Variants in FTO observed in about 807,000 individuals in gnomAD.
FTO encodes FTO alpha-ketoglutarate dependent dioxygenase, also known as alpha-ketoglutarate-dependent dioxygenase FTO.
FTO carries 47 observed loss-of-function variants against 63.9 expected under a neutral mutation model. That is an observed-to-expected ratio of 0.74 (90% CI 0.58 to 0.94). FTO has a LOEUF of 0.94. FTO is among the 40% of genes least tolerant of loss of function. FTO has a pLI of 0.00. For synonymous variants in FTO, 207 were observed against 224.4 expected, an observed-to-expected ratio of 0.92 and a Z score of 0.69; for missense variants, 562 against 618.1, an observed-to-expected ratio of 0.91 and a Z score of 0.96.
chr16:54,086,761 T>C (rs1473987400), intron 8 of FTO, among the ~76,000 whole-genome samples: 1 of 152,232 alleles, frequency 6.6e-6, no homozygotes, highest in African/African-American at 2.4e-5. Flanking sequence ...TCTTCTTTCT[T>C]ACAGTAATTT....
intron 1 of FTO, among the ~76,000 whole-genome samples, chr16:53,767,190 G>A (rs1019982462): frequency 2.3e-4 from 35 of 152,216 alleles, no homozygotes; most frequent in African/African-American, 7.9e-4. Flanking sequence ...TTTAGTCTAC[G>A]CACTGTCCAG....
chr16:53,995,997 C>A (rs2083925569), intron 8 of FTO, among the ~76,000 whole-genome samples: 1 of 152,212 alleles, frequency 6.6e-6, no homozygotes, highest in Admixed American at 6.5e-5. Flanking sequence ...GAGCCTGATT[C>A]TCTGCCCTTT....
At chr16:53,831,815 G>A (rs1417956466) in intron 3 of FTO, among the ~76,000 whole-genome samples, 1 of 152,142 alleles carries the variant, frequency 6.6e-6, no homozygotes, top group Non-Finnish European at 1.5e-5. Flanking sequence ...AACATGATTG[G>A]GATGTTTCAG....
At chr16:53,736,457 T>C (rs1409706723) in intron 1 of FTO, among the ~76,000 whole-genome samples, 4 of 151,982 alleles carry the variant, frequency 2.6e-5, no homozygotes, top group African/African-American at 7.3e-5. Context: ...TTCCTTTCTG[T>C]CACCTATCTT....
intron 8 of FTO, among the ~76,000 whole-genome samples, chr16:54,079,917 C>T (rs969956908): frequency 5.3e-5 from 8 of 152,002 alleles, no homozygotes; most frequent in Non-Finnish European, 1.2e-4. Context: ...TTAAATATTG[C>T]AAGAGTCATT....
At chr16:53,880,991 G>A (rs1447721046) in intron 6 of FTO, among the ~76,000 whole-genome samples, 9 of 150,536 alleles carry the variant, frequency 6.0e-5, no homozygotes, top group Non-Finnish European at 1.2e-4. Context: ...GCATGGTGGC[G>A]GGTGCCTGTA....
chr16:54,004,838 A>C (rs1215820133), intron 8 of FTO, among the ~76,000 whole-genome samples: 1 of 152,122 alleles, frequency 6.6e-6, no homozygotes, highest in Non-Finnish European at 1.5e-5. Context: ...TGGGAGGCTG[A>C]GGCGAGCGGA....
intron 8 of FTO, among the ~76,000 whole-genome samples, chr16:53,966,123 C>T (rs748413169): frequency 1.1e-4 from 17 of 152,212 alleles, no homozygotes; most frequent in Non-Finnish European, 1.8e-4. Flanking sequence ...CCACCTTGTC[C>T]TCCCAAAGTG....
At chr16:53,968,218 A>G (rs2083238425) in intron 8 of FTO, among the ~76,000 whole-genome samples, 1 of 152,222 alleles carries the variant, frequency 6.6e-6, no homozygotes. Context: ...TGTGCAGACA[A>G]GGAAGCTCAC....
Position 53,994,944 on chromosome 16 carries a change from G to C in FTO, c.1364+60835G>C, listed in dbSNP as rs1040949687. On this transcript the variant is annotated intron_variant, in intron 8 of 8. Transcript: ENST00000471389. ...GAGACGGGTTTCACCATGTTGGCCAGGCTGGTCTCAAACTCCTGACCTCAA... is the reference window on the plus strand; with the variant it reads ...GAGACGGGTTTCACCATGTTGGCCACGCTGGTCTCAAACTCCTGACCTCAA... Among the ~76,000 whole-genome samples, 5 of 152,144 alleles carry C rather than the reference G, an allele frequency of 3.3e-5. No individual in the cohort carries two copies. The East Asian group carries it at 5.8e-4, about 18-fold the overall frequency.
intron 7 of FTO, among the ~76,000 whole-genome samples, chr16:53,898,405 T>C (rs1418840497): frequency 6.6e-6 from 1 of 152,132 alleles, no homozygotes; most frequent in Non-Finnish European, 1.5e-5. Context: ...CCAAGCACTC[T>C]CTCATTGTAG....
At chr16:53,806,394 A>C (rs1598712088) in intron 1 of FTO, among the ~76,000 whole-genome samples, 1 of 152,184 alleles carries the variant, frequency 6.6e-6, no homozygotes, top group Admixed American at 6.5e-5. Context: ...GCTCCTTTCT[A>C]GTCATTTCCC....
rs200344131 is a variant in FTO, at chr16:54,034,822, A to G, written c.1365-76940A>G. Among the ~76,000 whole-genome samples, 5 of 152,242 alleles carry G rather than the reference A, an allele frequency of 3.3e-5. No individual in the cohort carries two copies. The East Asian group carries it at 9.6e-4, about 29-fold the overall frequency. ...ATGTTGCGCAAAAATAAAATAAAAA[A>G]TTAAAGCTGGTCTCTGTAACTACTT... On this transcript the variant is annotated intron_variant, in intron 8 of 8. Coordinates refer to ENST00000471389, the MANE Select transcript of FTO (RefSeq NM_001080432.3).
chr16:53,904,349 G>C (rs1241767045), intron 7 of FTO, among the ~76,000 whole-genome samples: 2 of 152,156 alleles, frequency 1.3e-5, no homozygotes, highest in Non-Finnish European at 2.9e-5. Flanking sequence ...GGGAGCAACT[G>C]TTCTCTTAAT....
chr16:53,950,168 A>AAAAAACAAAAAAAAAAAAAAAAAAAAAAC (rs1555497357), intron 8 of FTO, among the ~76,000 whole-genome samples: 9 of 147,844 alleles, frequency 6.1e-5, no homozygotes, highest in Non-Finnish European at 1.4e-4. Flanking sequence ...AAAAAAAAAA[A>AAAAAACAAAAAAAAAAAAAAAAAAAAAAC]AAAAAAAAAA....
intron 2 of FTO, among the ~76,000 whole-genome samples, chr16:53,817,147 A>G (rs1330406859): frequency 6.6e-6 from 1 of 152,242 alleles, no homozygotes; most frequent in African/African-American, 2.4e-5. Context: ...CATAGGAAGT[A>G]TTTGAGAAAT....
At chr16:53,710,308 C>T (rs184465182) in intron 1 of FTO, among the ~76,000 whole-genome samples, 52 of 149,610 alleles carry the variant, frequency 3.5e-4, no homozygotes, top group Admixed American at 1.0e-3. Context: ...CTCTGTTGCC[C>T]AGGCTGGAGT....
intron 8 of FTO, among the ~76,000 whole-genome samples, chr16:53,946,879 A>G (rs1056763808): frequency 7.2e-5 from 11 of 152,190 alleles, no homozygotes; most frequent in African/African-American, 2.7e-4. Flanking sequence ...CTGCACAGTA[A>G]TGATATTGTT....
chr16:53,935,893 A>G (rs2082380832), intron 8 of FTO: 1 of 152,182 alleles, frequency 6.6e-6, no homozygotes. Flanking sequence ...TTGATGTCTT[A>G]TGTCGCCCTC....
Sources: allele counts gnomAD v4.1 joint callset (sites outside exome capture counted in the v4.1 genomes callset), GRCh38; gene constraint gnomAD v4.1.1; transcripts MANE v1.5; gene names NCBI Gene and HGNC (gene_info 2026-07-23, HGNC 2026-07-21).